Variants in NTRK2 observed in about 807,000 individuals in gnomAD.
NTRK2 encodes the protein neurotrophic receptor tyrosine kinase 2.
NTRK2 carries 13 observed loss-of-function variants against 94.5 expected under a neutral mutation model. That is an observed-to-expected ratio of 0.14 (90% CI 0.09 to 0.22). NTRK2 has a LOEUF of 0.22. NTRK2 is among the 10% of genes least tolerant of loss of function. The pLI is 1.00. For missense variants in NTRK2, 639 were observed against 1,071.2 expected (o/e 0.60, Z 5.63); for synonymous variants, 372 against 407.4 (o/e 0.91, Z 1.05).
At chr9:84,681,632 T>C (rs1422271646) in intron 2 of NTRK2, among the ~76,000 whole-genome samples, 4 of 152,168 alleles carry the variant, frequency 2.6e-5, no homozygotes, top group African/African-American at 7.2e-5. Context: ...GCCATCATCA[T>C]CTTTTGCCTA....
intron 2 of NTRK2, among the ~76,000 whole-genome samples, chr9:84,700,880 C>G (rs1182144540): frequency 6.6e-6 from 1 of 152,134 alleles, no homozygotes; most frequent in Admixed American, 6.6e-5. Context: ...CTTTGTAACT[C>G]CAAGTGCAGT....
At chr9:84,818,382 A>C (rs2072560513) in intron 12 of NTRK2, among the ~76,000 whole-genome samples, 1 of 152,214 alleles carries the variant, frequency 6.6e-6, no homozygotes, top group Non-Finnish European at 1.5e-5. Context: ...TCCTACTAGC[A>C]CTGGCAGTTG....
At chr9:84,988,223 G>C (rs954067536) in intron 17 of NTRK2, among the ~76,000 whole-genome samples, 1 of 152,200 alleles carries the variant, frequency 6.6e-6, no homozygotes, top group Non-Finnish European at 1.5e-5. Context: ...ACGCCAACCA[G>C]AGGCAGAGGA....
Position 84,908,245 on chromosome 9 carries a change from A to G in NTRK2, c.1634-25917A>G, listed in dbSNP as rs535106058. ...TTCTCGACATACATCTGATGAACAA[A>G]TGACTCAATGAGCAAGAAAACTGAG... is the stretch of plus-strand genomic sequence containing the variant. On this transcript the variant is annotated intron_variant, in intron 14 of 18. Coordinates refer to ENST00000277120, the MANE Select transcript of NTRK2 (RefSeq NM_006180.6). 3.3e-5 allele frequency among the ~76,000 whole-genome samples: 5 copies of G among 152,374 alleles called. No homozygotes were observed. The South Asian group carries it at 1.0e-3, about 32-fold the overall frequency.
At chr9:84,770,208 A>G (rs2066418499) in intron 12 of NTRK2, among the ~76,000 whole-genome samples, 1 of 151,640 alleles carries the variant, frequency 6.6e-6, no homozygotes, top group Non-Finnish European at 1.5e-5. Context: ...ACACAGCTGG[A>G]AGCAGCTGGG....
rs564293160 is a variant in NTRK2 at position 84,951,115 on chromosome 9, T to C, written c.1937+2481T>C. Reference sequence around the variant, plus strand: ...CCGTCTGGATCATTTTTACCCTCTTTAGCCTCATGGATCCACGTGCAATTT... The same window carrying C: ...CCGTCTGGATCATTTTTACCCTCTTCAGCCTCATGGATCCACGTGCAATTT... On this transcript the variant is annotated intron_variant, in intron 16 of 18. Transcript: ENST00000277120. 3.0e-4 allele frequency among the ~76,000 whole-genome samples: 46 copies of C among 152,336 alleles called. 1 individual carries two copies. In the South Asian group the frequency reaches 9.5e-3, roughly 32 times the overall value.
Position 85,021,907 on chromosome 9 carries a change from A to G in NTRK2, c.*470A>G, listed in dbSNP as rs1020618065. Reference sequence around the variant, plus strand: ...TGTGGATGAAAAAAAGGGAAAACAAATATTTCACTTAAACTTTGTCACTTC... The same window carrying G: ...TGTGGATGAAAAAAAGGGAAAACAAGTATTTCACTTAAACTTTGTCACTTC... On this transcript the variant is annotated 3_prime_UTR_variant, in exon 19 of 19. Transcript: ENST00000277120. 3.7e-6 allele frequency: 1 copy of G among 267,128 alleles called. No individual in the cohort carries two copies. The highest frequency in any genetic ancestry group is 2.2e-5 in the African/African-American group (1 of 45,774). The allele number at this position is 267,128 out of a possible 1,614,324, so 16.5% of individuals were successfully genotyped here.
rs80338976 is a variant in NTRK2, at chr9:84,851,808, G to A, written c.1397-9232G>A. Among the ~76,000 whole-genome samples, 704 of 152,176 alleles carry A rather than the reference G, an allele frequency of 4.6e-3. 13 individuals are homozygous for A. Among genetic ancestry groups the A allele is most frequent in the Admixed American group, 0.037 (573 of 15,284 alleles). On this transcript the variant is annotated intron_variant, in intron 12 of 18. Coordinates refer to ENST00000277120, the MANE Select transcript of NTRK2 (RefSeq NM_006180.6). ...CCCTTCAAAATTCCATAATACAATG[G>A]CAAAAAGTTTCCTGTGCGGTGCTTT...
intron 2 of NTRK2, among the ~76,000 whole-genome samples, chr9:84,681,544 C>A (rs77932214): frequency 6.6e-6 from 1 of 152,108 alleles, no homozygotes; most frequent in Non-Finnish European, 1.5e-5. Flanking sequence ...CTCTTCTTAC[C>A]GGGCTTGCAG....
intron 17 of NTRK2, among the ~76,000 whole-genome samples, chr9:84,977,627 G>A (rs1022730647): frequency 2.0e-5 from 3 of 152,186 alleles, no homozygotes; most frequent in East Asian, 1.9e-4. Context: ...TACAGAATTC[G>A]TGGATAATGA....
chr9:84,902,463 G>A (rs1410010416), intron 14 of NTRK2, among the ~76,000 whole-genome samples: 1 of 152,170 alleles, frequency 6.6e-6, no homozygotes, highest in Non-Finnish European at 1.5e-5. Flanking sequence ...ATCGGGTGCA[G>A]GATTGGGGAT....
chr9:84,772,421 A>G (rs1034127254), intron 12 of NTRK2, among the ~76,000 whole-genome samples: 10 of 152,090 alleles, frequency 6.6e-5, no homozygotes, highest in Admixed American at 5.2e-4. Flanking sequence ...AAGCCTGGCT[A>G]ATTTTTAGTA....
intron 12 of NTRK2, among the ~76,000 whole-genome samples, chr9:84,753,901 A>G (rs923564044): frequency 1.3e-5 from 2 of 152,210 alleles, no homozygotes; most frequent in Non-Finnish European, 2.9e-5. Flanking sequence ...GTGGGAATCC[A>G]TGGAGCAAAA....
chr9:84,980,444 T>G (rs187645280), intron 17 of NTRK2, among the ~76,000 whole-genome samples: 243 of 152,346 alleles, frequency 1.6e-3, no homozygotes, highest in Non-Finnish European at 2.2e-3. Flanking sequence ...CAATATTATA[T>G]TGTCATCCCA....
At chr9:84,998,586 A>G (rs1237830571) in intron 17 of NTRK2, among the ~76,000 whole-genome samples, 2 of 152,150 alleles carry the variant, frequency 1.3e-5, no homozygotes, top group African/African-American at 4.8e-5. Flanking sequence ...GGGTGCAGAC[A>G]CGTGCTGCTT....
chr9:84,850,209 G>GA lies in NTRK2; in HGVS notation c.1397-10821dup, dbSNP rs1404156699. Among the ~76,000 whole-genome samples the GA allele has an allele frequency of 3.0e-3, 433 of 144,452 alleles. 1 individual carries two copies. The highest frequency in any genetic ancestry group is 8.1e-3 in the East Asian group (40 of 4,952). The allele number at this position is 144,452 out of a possible 152,430, so 94.8% of individuals were successfully genotyped here. The stretch of plus-strand genomic sequence containing the variant: ...GCATGGGGGTTACATGTCTGGTGGG[G>GA]AAAAAAAAAACAAAAAAACAAAAAC... On this transcript the variant is annotated intron_variant, in intron 12 of 18. Coordinates refer to ENST00000277120, the MANE Select transcript of NTRK2 (RefSeq NM_006180.6).
intron 14 of NTRK2, chr9:84,871,717 G>A: frequency 7.8e-7 from 1 of 1,286,442 alleles, no homozygotes. Flanking sequence ...TTGCAGGATT[G>A]TAGAGCAATC....
chr9:84,791,789 G>A (rs1036039606), intron 12 of NTRK2, among the ~76,000 whole-genome samples: 5 of 152,162 alleles, frequency 3.3e-5, no homozygotes, highest in African/African-American at 1.2e-4. Flanking sequence ...GACTTTTTTA[G>A]AATGATCTCT....
intron 14 of NTRK2, among the ~76,000 whole-genome samples, chr9:84,907,048 C>G (rs2077094785): frequency 1.3e-5 from 2 of 152,180 alleles, no homozygotes; most frequent in Admixed American, 1.3e-4. Flanking sequence ...GGTCACCGCA[C>G]TTGTGGCAGT....
Sources: gnomAD v4.1 joint callset for allele counts (sites outside exome capture counted in the v4.1 genomes callset) on GRCh38, gnomAD v4.1.1 for gene constraint, MANE v1.5 for transcripts, NCBI Gene and HGNC (gene_info 2026-07-23, HGNC 2026-07-21) for gene names.